Variants in KDM4C observed in about 807,000 individuals in gnomAD.
KDM4C encodes lysine-specific demethylase 4C.
KDM4C carries 81 observed loss-of-function variants against 129.3 expected under a neutral mutation model. The ratio of observed to expected loss-of-function variants is 0.63; its 90% CI spans 0.52 to 0.75. The LOEUF (loss-of-function observed/expected upper bound fraction) is 0.75. KDM4C is among the 30% of genes least tolerant of loss of function. KDM4C has a pLI of 0.00. For synonymous variants in KDM4C, 573 were observed against 456.1 expected, an observed-to-expected ratio of 1.26 and a Z score of -3.26; for missense variants, 1,457 against 1,304.0, an observed-to-expected ratio of 1.12 and a Z score of -1.81.
At chr9:7,103,897 G>A (rs1837388668) in intron 18 of KDM4C, 27 bp downstream of exon 18, 1 of 1,599,868 alleles carries the variant, frequency 6.3e-7, no homozygotes, top group Non-Finnish European at 8.6e-7. Flanking sequence ...CTTCCTCAGT[G>A]CTAAGACCGT....
chr9:7,158,683 T>C (rs1367156461), intron 19 of KDM4C, among the ~76,000 whole-genome samples: 1 of 152,204 alleles, frequency 6.6e-6, no homozygotes, highest in East Asian at 1.9e-4. Context: ...AGTTCTAATT[T>C]GATTGCACTG....
intron 5 of KDM4C, among the ~76,000 whole-genome samples, chr9:6,868,742 A>C (rs561658500): frequency 6.7e-6 from 1 of 149,286 alleles, no homozygotes; most frequent in South Asian, 2.2e-4. Context: ...TGGATGTGGG[A>C]CTCTCGGTGT....
intron 8 of KDM4C, among the ~76,000 whole-genome samples, chr9:6,899,320 A>G (rs767163347): frequency 7.2e-5 from 11 of 152,114 alleles, no homozygotes; most frequent in African/African-American, 2.7e-4. Flanking sequence ...AGAACCTACA[A>G]TGATGCATCA....
chr9:7,013,876 T>C lies in KDM4C; in HGVS notation c.2057T>C (p.Ile686Thr), dbSNP rs1353334188. 7 of 1,613,988 alleles carry C rather than the reference T, an allele frequency of 4.3e-6. No homozygotes were observed. Among genetic ancestry groups the C allele is most frequent in the Non-Finnish European group, 5.1e-6 (6 of 1,179,868 alleles). ...VTSEGKTKPL[I>T]PEMCFIYSEE... ...TCGGAGGGAAAGACTAAGCCCCTCA[T>C]ACCAGAGATGTGTTTTATTTATAGT... is the stretch of plus-strand genomic sequence containing the variant. The change falls in exon 14 of 22, where the codon ATA (isoleucine) becomes ACA (threonine). Residue 686 changes from isoleucine to threonine, a missense_variant. Coordinates refer to ENST00000381309, the MANE Select transcript of KDM4C (RefSeq NM_015061.6).
chr9:7,044,786 C>T (rs1024131191), intron 15 of KDM4C, among the ~76,000 whole-genome samples: 1 of 151,950 alleles, frequency 6.6e-6, no homozygotes, highest in African/African-American at 2.4e-5. Context: ...ATCAGATGCT[C>T]AGCAGGCATG....
At chr9:6,773,642 A>C (rs138694375) in intron 1 of KDM4C, among the ~76,000 whole-genome samples, 188 of 152,142 alleles carry the variant, frequency 1.2e-3, no homozygotes, top group African/African-American at 4.4e-3. Context: ...GTGTTAGCGC[A>C]CGCTTATAAT....
chr9:7,140,735 TAGC>T (rs1324346829), intron 19 of KDM4C, among the ~76,000 whole-genome samples: 4 of 152,218 alleles, frequency 2.6e-5, no homozygotes, highest in Non-Finnish European at 5.9e-5. Flanking sequence ...GGGAAAATGA[TAGC>T]AGTAAAATTC....
At chr9:6,835,138 G>A in intron 4 of KDM4C, 1 of 981,402 alleles carries the variant, frequency 1.0e-6, no homozygotes, top group Non-Finnish European at 1.7e-6. Flanking sequence ...GATGGCCATG[G>A]CGGCTTCCAG....
At chr9:7,061,865 C>A (rs1419719181) in intron 17 of KDM4C, among the ~76,000 whole-genome samples, 1 of 152,236 alleles carries the variant, frequency 6.6e-6, no homozygotes, top group Non-Finnish European at 1.5e-5. Context: ...TGTTCAGCGG[C>A]TTTCAGCCAG....
Position 7,049,137 on chromosome 9 carries a change from C to T in KDM4C, c.2361C>T (p.Phe787=), listed in dbSNP as rs751010991. 6.2e-6 allele frequency: 10 copies of T among 1,612,488 alleles called. No homozygotes were observed. The highest frequency in any genetic ancestry group is 8.5e-6 in the Non-Finnish European group (10 of 1,178,966). The change falls in exon 17 of 22, where the codon TTC becomes TTT. Residue 787 remains phenylalanine (F), a synonymous_variant. Transcript: ENST00000381309. Reference sequence around the variant, plus strand: ...CCGTTGCGGTCCCAGAAGTTCGATTCACTAATGTCCCAGAAAGGACACAAA... The same window carrying T: ...CCGTTGCGGTCCCAGAAGTTCGATTTACTAATGTCCCAGAAAGGACACAAA... The part of the protein sequence containing the change: ...MCAVAVPEVR[F]TNVPERTQID...
At chr9:6,924,780 T>C (rs754393315) in intron 8 of KDM4C, 20 of 982,688 alleles carry the variant, frequency 2.0e-5, no homozygotes, top group Non-Finnish European at 2.4e-5. Context: ...TTAAAGTTAT[T>C]TTCCCTGTAT....
intron 8 of KDM4C, among the ~76,000 whole-genome samples, chr9:6,961,398 C>T (rs1386262188): frequency 6.6e-5 from 10 of 152,036 alleles, no homozygotes; most frequent in Non-Finnish European, 2.9e-5. Context: ...TATGTTACTG[C>T]CTTACTAGAT....
intron 15 of KDM4C, among the ~76,000 whole-genome samples, chr9:7,026,419 G>A (rs563780296): frequency 3.5e-4 from 53 of 151,992 alleles, no homozygotes; most frequent in African/African-American, 1.2e-3. Context: ...CTCCTGGCCT[G>A]TTAGGTTTTC....
At chr9:6,859,794 T>C (rs113932698) in intron 5 of KDM4C, among the ~76,000 whole-genome samples, 6,695 of 146,118 alleles carry the variant, frequency 0.046, 482 homozygotes, top group African/African-American at 0.16. Flanking sequence ...GAACCTGAGA[T>C]GCGGAGCTTG....
At chr9:7,129,189 C>G (rs1288697415) in intron 19 of KDM4C, among the ~76,000 whole-genome samples, 1 of 152,082 alleles carries the variant, frequency 6.6e-6, no homozygotes, top group Non-Finnish European at 1.5e-5. Flanking sequence ...TTTTAATAGT[C>G]ATAATTGTGT....
intron 1 of KDM4C, among the ~76,000 whole-genome samples, chr9:6,745,261 G>A (rs1817837254): frequency 6.6e-6 from 1 of 152,020 alleles, no homozygotes; most frequent in Non-Finnish European, 1.5e-5. Context: ...GTTGAAAATT[G>A]TCTTCATGGG....
At chr9:6,871,092 A>C (rs1045982908) in intron 5 of KDM4C, among the ~76,000 whole-genome samples, 3 of 152,220 alleles carry the variant, frequency 2.0e-5, no homozygotes, top group African/African-American at 7.2e-5. Flanking sequence ...GCTCCCAAAA[A>C]ACAATAGGGA....
intron 15 of KDM4C, among the ~76,000 whole-genome samples, chr9:7,035,210 T>C (rs535279783): frequency 1.2e-3 from 174 of 150,732 alleles, no homozygotes; most frequent in African/African-American, 4.0e-3. Flanking sequence ...GATGAGGTTT[T>C]GCCATGTTGC....
intron 17 of KDM4C, among the ~76,000 whole-genome samples, chr9:7,082,158 A>T (rs957529274): frequency 7.1e-5 from 9 of 126,430 alleles, no homozygotes; most frequent in Admixed American, 6.7e-4. Context: ...CTACAGCCTC[A>T]CATGGGGCCT....
Sources: allele counts gnomAD v4.1 joint callset (sites outside exome capture counted in the v4.1 genomes callset), GRCh38; gene constraint gnomAD v4.1.1; transcripts MANE v1.5; gene names NCBI Gene and HGNC (gene_info 2026-07-23, HGNC 2026-07-21).